The following LSM5 variants were observed in gnomAD, a reference collection of about 807,000 sequenced individuals.
LSM5 encodes LSM5 homolog, U6 small nuclear RNA and mRNA degradation associated.
In LSM5, 8 loss-of-function variants were observed where a neutral mutation model predicts 13.8. That is an observed-to-expected ratio of 0.58 (90% CI 0.34 to 1.04). LSM5 has a LOEUF of 1.04. LSM5 is among the 50% of genes least tolerant of loss of function. The pLI is 0.03. For synonymous variants in LSM5, 35 were observed against 37.0 expected, an observed-to-expected ratio of 0.95 and a Z score of 0.20; for missense variants, 80 against 108.1, an observed-to-expected ratio of 0.74 and a Z score of 1.15.
chr7:32,488,048 G>T (rs78889620), intron 3 of LSM5: 18 of 264,634 alleles, frequency 6.8e-5, no homozygotes, highest in African/African-American at 1.9e-4. Context: ...TGTTTTTTGG[G>T]TTTTTTTTTT....
At chr7:32,489,224 C>T in intron 2 of LSM5, 25 bp downstream of exon 2, 1 of 1,190,210 alleles carries the variant, frequency 8.4e-7, no homozygotes. Context: ...AAAACCTATA[C>T]CACCACCACC....
upstream of LSM5, among the ~76,000 whole-genome samples, chr7:32,493,355 T>G (rs1562740436): frequency 6.6e-6 from 1 of 152,120 alleles, no homozygotes; most frequent in Non-Finnish European, 1.5e-5. Context: ...TGGACTCAAG[T>G]GATCTACCCA....
chr7:32,487,181 A>G lies in LSM5; in HGVS notation c.*80T>C, dbSNP rs1270099739. 1 of 1,280,988 alleles carries G rather than the reference A, an allele frequency of 7.8e-7. No individual in the cohort carries two copies. The highest frequency in any genetic ancestry group is 2.4e-5 in the East Asian group (1 of 42,436). The allele number at this position is 1,280,988 out of a possible 1,614,324, so 79.4% of individuals were successfully genotyped here. ...AAACTTAGCTTTATGGGATTTAAACATTAGAAAGTGGGAAAAAAAATTCCA... is the reference window on the plus strand; with the variant it reads ...AAACTTAGCTTTATGGGATTTAAACGTTAGAAAGTGGGAAAAAAAATTCCA... On this transcript the variant is annotated 3_prime_UTR_variant, in exon 5 of 5. Coordinates refer to ENST00000450169, the MANE Select transcript of LSM5 (RefSeq NM_012322.3).
chr7:32,491,600 A>C (rs1786588976), upstream of LSM5, among the ~76,000 whole-genome samples: 1 of 152,186 alleles, frequency 6.6e-6, no homozygotes, highest in African/African-American at 2.4e-5. Flanking sequence ...TTCCATGGTC[A>C]GTTATTTGAC....
At chr7:32,488,273 A>AAGCG in intron 3 of LSM5, 2 of 226,256 alleles carry the variant, frequency 8.8e-6, no homozygotes, top group South Asian at 8.2e-5. Context: ...TCCCAGGCTT[A>AAGCG]ATCCTCCTCC....
upstream of LSM5, among the ~76,000 whole-genome samples, chr7:32,492,883 C>T (rs1391410300): frequency 6.6e-6 from 1 of 152,188 alleles, no homozygotes; most frequent in Non-Finnish European, 1.5e-5. Flanking sequence ...ATTATATGTT[C>T]AGAAAGGCAT....
intron 4 of LSM5, 124 bp from the exon 5 acceptor site, chr7:32,487,417 G>A (rs1786473901): frequency 2.7e-6 from 2 of 749,732 alleles, no homozygotes; most frequent in Non-Finnish European, 4.6e-6. Flanking sequence ...TCTCCAGATT[G>A]TCAGTATCTA....
At chr7:32,488,061 T>TTA in intron 3 of LSM5, 1 of 339,444 alleles carries the variant, frequency 2.9e-6, no homozygotes, top group African/African-American at 2.2e-5. Context: ...TTTTTTTTTT[T>TTA]AAGAGACAGG....
upstream of LSM5, among the ~76,000 whole-genome samples, chr7:32,493,214 G>A (rs1002008335): frequency 3.3e-5 from 5 of 152,292 alleles, no homozygotes; most frequent in South Asian, 1.0e-3. Flanking sequence ...GCGGACTCAA[G>A]CAATCCTCCC....
At position 32,486,094 on chromosome 7, in the gene LSM5, T is replaced by C. The variant is rs1182240137; in HGVS notation, c.*1167A>G. The C allele has an allele frequency of 6.6e-6, 1 of 152,162 alleles. No individual in the cohort carries two copies. The highest frequency in any genetic ancestry group is 1.5e-5 in the Non-Finnish European group (1 of 68,026). 9.4% of individuals were successfully genotyped at this position (152,162 alleles called of 1,614,324 possible). Reference sequence around the variant, plus strand: ...GAAAGACTCCTGGCAAAAATATACATTGGCACAAACTTTTTCTTGGCAACA... The same window carrying C: ...GAAAGACTCCTGGCAAAAATATACACTGGCACAAACTTTTTCTTGGCAACA... On this transcript the variant is annotated 3_prime_UTR_variant, in exon 5 of 5. Coordinates refer to ENST00000450169, the MANE Select transcript of LSM5 (RefSeq NM_012322.3).
intron 1 of LSM5, 131 bp from the exon 2 acceptor site, chr7:32,489,475 T>TAATACA: frequency 1.6e-6 from 1 of 635,072 alleles, no homozygotes; most frequent in Non-Finnish European, 2.8e-6. Context: ...TTAGGTCTTA[T>TAATACA]AATACAAATC....
rs6944831 is a variant in LSM5 at position 32,490,271 on chromosome 7, A to G, written c.46+49T>C. Reference sequence around the variant, plus strand: ...CCTCGGAACAGCCCCTCGGCCCCCAATCCTGAATGTCAGCTCCCTGTTCCT... The same window carrying G: ...CCTCGGAACAGCCCCTCGGCCCCCAGTCCTGAATGTCAGCTCCCTGTTCCT... On this transcript the variant is annotated intron_variant, in intron 1 of 4. Transcript: ENST00000450169. The G allele has an allele frequency of 3.0e-3, 4,885 of 1,613,950 alleles. 126 individuals are homozygous for G. The African/African-American group carries it at 0.052, about 17-fold the overall frequency.
intron 1 of LSM5, chr7:32,489,994 T>A: frequency 7.8e-7 from 1 of 1,288,250 alleles, no homozygotes; most frequent in Non-Finnish European, 1.0e-6. Flanking sequence ...CTGGGGATCG[T>A]AAACGCCAGG....
At chr7:32,493,490 A>G (rs1786637489), upstream of LSM5, among the ~76,000 whole-genome samples, 1 of 151,614 alleles carries the variant, frequency 6.6e-6, no homozygotes, top group African/African-American at 2.4e-5. Context: ...TCCCTTGTTC[A>G]CTTTCTGTCT....
In LSM5 at chr7:32,487,840, G is replaced by C. The variant is rs1284627525; in HGVS notation, c.171-83C>G. On this transcript the variant is annotated intron_variant, in intron 3 of 4. Transcript: ENST00000450169. ...TGGAAATACTTACCCTCCCTAAAAA[G>C]GTTATCCTTGTATACAAATTACACT... 1.9e-5 allele frequency: 14 copies of C among 734,028 alleles called. No individual in the cohort carries two copies. The Admixed American group carries it at 2.6e-4, about 14-fold the overall frequency. 45.5% of individuals were successfully genotyped at this position (734,028 alleles called of 1,614,324 possible).
chr7:32,488,037 A>C (rs929996768), intron 3 of LSM5: 2 of 299,852 alleles, frequency 6.7e-6, no homozygotes, highest in South Asian at 3.2e-5. Flanking sequence ...ATGAAATGAA[A>C]TGTTTTTTGG....
chr7:32,493,976 C>T (rs991839150), upstream of LSM5, among the ~76,000 whole-genome samples: 5 of 151,856 alleles, frequency 3.3e-5, no homozygotes, highest in African/African-American at 1.2e-4. Flanking sequence ...CTCAGCCGTC[C>T]GAGTAGCTGG....
intron 4 of LSM5, 128 bp downstream of exon 4, chr7:32,487,557 C>T: frequency 2.8e-6 from 2 of 704,364 alleles, no homozygotes; most frequent in South Asian, 1.5e-5. Flanking sequence ...CAGAGAACCC[C>T]TTTCCCATCT....
chr7:32,493,928 T>G (rs1786659949), upstream of LSM5, among the ~76,000 whole-genome samples: 1 of 151,718 alleles, frequency 6.6e-6, no homozygotes, highest in Non-Finnish European at 1.5e-5. Context: ...CTTGGCTCAC[T>G]GCAACCTCCA....
Sources: allele counts gnomAD v4.1 joint callset (sites outside exome capture counted in the v4.1 genomes callset), GRCh38; gene constraint gnomAD v4.1.1; transcripts MANE v1.5; gene names NCBI Gene and HGNC (gene_info 2026-07-23, HGNC 2026-07-21).